HCFC2: variants seen among roughly 807,000 people sequenced by gnomAD.
HCFC2 encodes the protein host cell factor C2, also known as host cell factor 2.
In HCFC2, 18 loss-of-function variants were observed where a neutral mutation model predicts 89.2. The observed-to-expected ratio is 0.20, with a 90% CI of 0.14 to 0.30. The LOEUF (loss-of-function observed/expected upper bound fraction) is 0.30. HCFC2 is among the 10% of genes least tolerant of loss of function. The pLI is 1.00. For missense variants in HCFC2, 578 were observed against 956.1 expected, an observed-to-expected ratio of 0.60 and a Z score of 5.21; for synonymous variants, 308 against 335.7, an observed-to-expected ratio of 0.92 and a Z score of 0.90.
At chr12:104,094,728 G>A (rs559423982) in intron 10 of HCFC2, among the ~76,000 whole-genome samples, 1 of 152,272 alleles carries the variant, frequency 6.6e-6, no homozygotes, top group East Asian at 1.9e-4. Context: ...ATTAGTAAGG[G>A]GAGAGGGTAA....
In HCFC2 at chr12:104,096,565, ATGAT is replaced by A. The variant is rs1163026427; in HGVS notation, c.1740+136_1740+139del. ...TGAACTGACATAAATTTAGAAATAA[ATGAT>A]TGAATAGGAAAATGTTCACAGTATA... On this transcript the variant is annotated intron_variant, in intron 12 of 14. Transcript: ENST00000229330. The A allele has an allele frequency of 1.0e-5, 6 of 576,256 alleles. 1 individual carries two copies. Among genetic ancestry groups the A allele is most frequent in the Non-Finnish European group, 1.6e-5 (5 of 318,238 alleles). 35.7% of individuals were successfully genotyped at this position (576,256 alleles called of 1,614,324 possible).
chr12:104,093,776 A>ATTT (rs11411208), intron 10 of HCFC2, among the ~76,000 whole-genome samples: 2 of 147,516 alleles, frequency 1.4e-5, no homozygotes, highest in Non-Finnish European at 1.5e-5. Flanking sequence ...AAATGAGGCA[A>ATTT]TTTTTTTTTT....
At position 104,064,985 on chromosome 12, in the gene HCFC2, C is replaced by T. The variant is rs1016530405; in HGVS notation, c.163+262C>T. 1.7e-5 allele frequency: 6 copies of T among 363,088 alleles called. No homozygotes were observed. The Admixed American group carries it at 1.9e-4, about 12-fold the overall frequency. 22.5% of individuals were successfully genotyped at this position (363,088 alleles called of 1,614,324 possible). On this transcript the variant is annotated intron_variant, in intron 1 of 14. Coordinates refer to ENST00000229330, the MANE Select transcript of HCFC2 (RefSeq NM_013320.3). The surrounding 1 kb of genome is among the most constrained non-coding windows in gnomAD (Gnocchi z 7.3). Reference sequence around the variant, plus strand: ...TCAGGCGGGGGATCCCGGACGCCCCCACCCCAGCCCGACAGGCGGACGCAG... The same window carrying T: ...TCAGGCGGGGGATCCCGGACGCCCCTACCCCAGCCCGACAGGCGGACGCAG...
At chr12:104,073,263 C>T (rs1883390872) in intron 3 of HCFC2, among the ~76,000 whole-genome samples, 1 of 150,456 alleles carries the variant, frequency 6.6e-6, no homozygotes, top group African/African-American at 2.4e-5. Context: ...CTCATGGGTT[C>T]AAGCGATTCT....
intron 13 of HCFC2, 133 bp downstream of exon 13, chr12:104,098,613 T>C: frequency 3.6e-6 from 3 of 839,768 alleles, no homozygotes; most frequent in Non-Finnish European, 3.7e-6. Flanking sequence ...TTCAGGTCAC[T>C]TGAATGAGTA....
chr12:104,070,989 G>A (rs1368753917), intron 3 of HCFC2, among the ~76,000 whole-genome samples: 9 of 151,784 alleles, frequency 5.9e-5, no homozygotes, highest in Non-Finnish European at 1.3e-4. Flanking sequence ...GTGTTTTTTA[G>A]TAGAGACGAG....
chr12:104,080,899 G>A, intron 5 of HCFC2, 69 bp downstream of exon 5: 1 of 912,192 alleles, frequency 1.1e-6, no homozygotes, highest in Non-Finnish European at 1.7e-6. Context: ...CACAAAGAAA[G>A]TAATGCTAGT....
In HCFC2 at chr12:104,064,772, G is replaced by T; in HGVS notation, c.163+49G>T. The T allele has an allele frequency of 1.3e-6, 2 of 1,504,980 alleles. No individual in the cohort carries two copies. The highest frequency in any genetic ancestry group is 8.9e-7 in the Non-Finnish European group (1 of 1,127,644). 93.2% of individuals were successfully genotyped at this position (1,504,980 alleles called of 1,614,324 possible). A position where few individuals can be genotyped will look rare whatever the true frequency, so the allele number is the denominator to read the frequency against. On this transcript the variant is annotated intron_variant, in intron 1 of 14. Transcript: ENST00000229330. The surrounding 1 kb of genome is among the most constrained non-coding windows in gnomAD (Gnocchi z 7.3). Reference sequence around the variant, plus strand: ...GCCCCGCCTGCTGGAGCTGCGGAGGGGGAGGGGAGGCGAGGCGGCGGCCGC... The same window carrying T: ...GCCCCGCCTGCTGGAGCTGCGGAGGTGGAGGGGAGGCGAGGCGGCGGCCGC...
chr12:104,094,322 T>A (rs1884114950), intron 10 of HCFC2, among the ~76,000 whole-genome samples: 1 of 152,198 alleles, frequency 6.6e-6, no homozygotes, highest in Non-Finnish European at 1.5e-5. Flanking sequence ...CACTGCTAGA[T>A]TCCTAGCACC....
chr12:104,093,819 T>C (rs1310995876), intron 10 of HCFC2, among the ~76,000 whole-genome samples: 1 of 151,556 alleles, frequency 6.6e-6, no homozygotes, highest in Non-Finnish European at 1.5e-5. Context: ...CAGGAAGAAC[T>C]ATAGTAGAAA....
rs1884154784 is a variant in HCFC2 at position 104,095,603 on chromosome 12, A to G, written c.1666+40A>G. Reference sequence around the variant, plus strand: ...TCACATACTGTATTTTGAACCATTTATGTATATAAATTCATCAAACTTACT... The same window carrying G: ...TCACATACTGTATTTTGAACCATTTGTGTATATAAATTCATCAAACTTACT... On this transcript the variant is annotated intron_variant, in intron 11 of 14. Transcript: ENST00000229330. This position sits in a 1 kb window ranked among gnomAD's most constrained non-coding sequence, Gnocchi z 4.2. 1.3e-6 allele frequency: 2 copies of G among 1,487,872 alleles called. No homozygotes were observed. The highest frequency in any genetic ancestry group is 1.9e-6 in the Non-Finnish European group (2 of 1,074,490). The allele number at this position is 1,487,872 out of a possible 1,614,324, so 92.2% of individuals were successfully genotyped here.
chr12:104,083,154 C>G (rs997398710), intron 7 of HCFC2, among the ~76,000 whole-genome samples: 3 of 152,106 alleles, frequency 2.0e-5, no homozygotes, highest in Admixed American at 6.6e-5. Flanking sequence ...TTACAGAAAC[C>G]TGGCAAGCAC....
intron 12 of HCFC2, among the ~76,000 whole-genome samples, 186 bp downstream of exon 12, chr12:104,096,619 A>G (rs1251024215): frequency 6.6e-6 from 1 of 152,208 alleles, no homozygotes; most frequent in Non-Finnish European, 1.5e-5. Context: ...AGCTGGATAA[A>G]AAATAACATA....
intron 14 of HCFC2, 94 bp downstream of exon 14, chr12:104,102,247 C>G: frequency 6.6e-6 from 7 of 1,055,540 alleles, no homozygotes; most frequent in Non-Finnish European, 9.7e-6. Flanking sequence ...TTGTTACCAT[C>G]TAATGAAATG....
At chr12:104,077,970 C>T (rs1023543231) in intron 3 of HCFC2, among the ~76,000 whole-genome samples, 3 of 152,018 alleles carry the variant, frequency 2.0e-5, no homozygotes, top group Non-Finnish European at 2.9e-5. Context: ...TTCTCTTATT[C>T]AAAGTATTAT....
intron 14 of HCFC2, 119 bp downstream of exon 14, chr12:104,102,272 G>T: frequency 1.2e-6 from 1 of 846,648 alleles, no homozygotes. Context: ...ATACCTAAAA[G>T]GATGGATTTA....
In HCFC2 at chr12:104,106,169, A is replaced by C. The variant is rs2030080589; in HGVS notation, c.*2896A>C. 1 of 152,132 alleles carries C rather than the reference A, an allele frequency of 6.6e-6. No homozygotes were observed. The allele number at this position is 152,132 out of a possible 1,614,324, so 9.4% of individuals were successfully genotyped here. A position where few individuals can be genotyped will look rare whatever the true frequency, so the allele number is the denominator to read the frequency against. Reference sequence around the variant, plus strand: ...TCCTGCCTCATTACCCAATTACATAAATACAATTATCTATAGGAAGGTGAA... The same window carrying C: ...TCCTGCCTCATTACCCAATTACATACATACAATTATCTATAGGAAGGTGAA... On this transcript the variant is annotated 3_prime_UTR_variant, in exon 15 of 15. Transcript: ENST00000229330.
intron 3 of HCFC2, among the ~76,000 whole-genome samples, chr12:104,073,509 T>C (rs541412662): frequency 6.6e-6 from 1 of 152,316 alleles, no homozygotes; most frequent in East Asian, 1.9e-4. Flanking sequence ...TTCATCATGT[T>C]TGACAATATT....
At chr12:104,086,717 T>C (rs1883861281) in intron 7 of HCFC2, 130 bp from the exon 8 acceptor site, 1 of 626,996 alleles carries the variant, frequency 1.6e-6, no homozygotes, top group Non-Finnish European at 2.6e-6. Flanking sequence ...CTGAGTAAAC[T>C]TTCCCTGTCT....
Sources: gnomAD v4.1 joint callset for allele counts (sites outside exome capture counted in the v4.1 genomes callset) on GRCh38, gnomAD v4.1.1 for gene constraint, Gnocchi (gnomAD v3.1) non-coding constraint, MANE v1.5 for transcripts, NCBI Gene and HGNC (gene_info 2026-07-23, HGNC 2026-07-21) for gene names.